FMN1: variants seen among roughly 807,000 people sequenced by gnomAD.
FMN1 encodes formin 1.
In FMN1, 110 loss-of-function variants were observed where a neutral mutation model predicts 132.4. That is an observed-to-expected ratio of 0.83 (90% CI 0.71 to 0.97). FMN1 has a LOEUF of 0.97. Ranked by LOEUF, FMN1 falls within the 50% of genes least tolerant of loss-of-function variation. The pLI, the probability that FMN1 is intolerant of heterozygous loss-of-function variation, is 0.00. For synonymous variants in FMN1, 722 were observed against 651.7 expected (o/e 1.11, Z -1.64); for missense variants, 1,792 against 1,705.3 (o/e 1.05, Z -0.90).
chr15:33,049,420 G>A (rs917803043), intron 6 of FMN1, among the ~76,000 whole-genome samples: 3 of 152,158 alleles, frequency 2.0e-5, no homozygotes, highest in East Asian at 1.9e-4. Context: ...AACATAAGGG[G>A]ATACCCTCTA....
At chr15:32,982,552 T>C (rs917906660) in intron 7 of FMN1, among the ~76,000 whole-genome samples, 9 of 152,200 alleles carry the variant, frequency 5.9e-5, no homozygotes, top group Admixed American at 5.2e-4. Context: ...CCCAGTTATT[T>C]GGCCAAACAT....
At position 33,086,247 on chromosome 15, in the gene FMN1, T is replaced by C. The variant is rs866343710; in HGVS notation, c.2043+2552A>G. 5.0e-5 allele frequency among the ~76,000 whole-genome samples: 7 copies of C among 141,340 alleles called. No homozygotes were observed. In the South Asian group the frequency reaches 1.6e-3, roughly 32 times the overall value. The allele number at this position is 141,340 out of a possible 152,430, so 92.7% of individuals were successfully genotyped here. On this transcript the variant is annotated intron_variant, in intron 5 of 20. Transcript: ENST00000616417. ...GCCTGAGCGACAGAGCAAGACTCCA[T>C]CTCAAATTAAAAAAAAAAAAAAAAA...
At chr15:32,890,560 T>C (rs1319171692) in intron 15 of FMN1, among the ~76,000 whole-genome samples, 1 of 152,262 alleles carries the variant, frequency 6.6e-6, no homozygotes, top group East Asian at 1.9e-4. Flanking sequence ...GCCATTTGTA[T>C]ATCTTCTTTT....
At chr15:33,135,545 G>A (rs940305369) in intron 4 of FMN1, among the ~76,000 whole-genome samples, 3 of 152,190 alleles carry the variant, frequency 2.0e-5, no homozygotes, top group African/African-American at 7.2e-5. Context: ...CTTGACACAA[G>A]TATGCACTGT....
At chr15:32,964,290 A>T in intron 8 of FMN1, 33 bp from the exon 9 acceptor site, 1 of 1,490,232 alleles carries the variant, frequency 6.7e-7, no homozygotes, top group Non-Finnish European at 9.1e-7. Context: ...TAACCATAAG[A>T]ACCAAAACAG....
intron 4 of FMN1, among the ~76,000 whole-genome samples, chr15:33,110,484 T>C (rs962656220): frequency 2.6e-5 from 4 of 152,004 alleles, no homozygotes; most frequent in Non-Finnish European, 4.4e-5. Flanking sequence ...CTTATGAATC[T>C]TCTATATTTT....
At chr15:32,848,561 C>T (rs983893621) in intron 17 of FMN1, among the ~76,000 whole-genome samples, 2 of 152,124 alleles carry the variant, frequency 1.3e-5, no homozygotes, top group Non-Finnish European at 2.9e-5. Flanking sequence ...CAGTTCAGCA[C>T]CCAATGAAAG....
rs554048667 is a variant in FMN1 at position 32,976,220 on chromosome 15, G to A, written c.2224-6743C>T. ...TCCCTAGGCTGGGGAAAGCTAGGCA[G>A]TTCCTGGGGGCTGCATGGAGGCTCA... On this transcript the variant is annotated intron_variant, in intron 7 of 20. Coordinates refer to ENST00000616417, the MANE Select transcript of FMN1 (RefSeq NM_001277313.2). Among the ~76,000 whole-genome samples, 5 of 152,262 alleles carry A rather than the reference G, an allele frequency of 3.3e-5. No homozygotes were observed. In the South Asian group the frequency reaches 1.0e-3, roughly 32 times the overall value.
At chr15:33,099,087 T>C (rs748311477) in intron 4 of FMN1, among the ~76,000 whole-genome samples, 3 of 151,994 alleles carry the variant, frequency 2.0e-5, no homozygotes, top group Non-Finnish European at 2.9e-5. Flanking sequence ...GGCAACATGG[T>C]GAAACCCCAT....
At chr15:32,798,615 T>A (rs1021928299) in intron 19 of FMN1, among the ~76,000 whole-genome samples, 189 bp downstream of exon 19, 2 of 152,132 alleles carry the variant, frequency 1.3e-5, no homozygotes, top group Non-Finnish European at 2.9e-5. Flanking sequence ...TGTGAGCATA[T>A]CTGCCTGTGT....
rs2037801213 is a variant in FMN1, at chr15:33,067,554, C to CT, written c.2044-2481dup. 5 of 1,613,960 alleles carry CT rather than the reference C, an allele frequency of 3.1e-6. No homozygotes were observed. In the East Asian group the frequency reaches 8.9e-5, roughly 29 times the overall value. On this transcript the variant is annotated intron_variant, in intron 5 of 20. Coordinates refer to ENST00000616417, the MANE Select transcript of FMN1 (RefSeq NM_001277313.2). ...TGAGCAAGGAGAGATGTCCCTGCTT[C>CT]TTTTCTCTGACTTCCCTCTGATTCT... is the stretch of plus-strand genomic sequence containing the variant.
At chr15:33,006,394 A>G (rs1252585019) in intron 7 of FMN1, among the ~76,000 whole-genome samples, 1 of 152,232 alleles carries the variant, frequency 6.6e-6, no homozygotes, top group Non-Finnish European at 1.5e-5. Context: ...ACAAAAGATT[A>G]CAAGTATTGG....
chr15:32,858,736 T>C (rs2059193394), intron 16 of FMN1, among the ~76,000 whole-genome samples: 1 of 152,242 alleles, frequency 6.6e-6, no homozygotes, highest in Non-Finnish European at 1.5e-5. Flanking sequence ...ACAAATTCTA[T>C]AAATCCAGTC....
chr15:32,969,842 C>T (rs1048383362), intron 7 of FMN1, among the ~76,000 whole-genome samples: 8 of 152,184 alleles, frequency 5.3e-5, no homozygotes, highest in South Asian at 2.1e-4. Flanking sequence ...TACAACTTTT[C>T]GGGTTGGTTT....
At chr15:33,102,331 G>A (rs995781588) in intron 4 of FMN1, among the ~76,000 whole-genome samples, 2 of 152,232 alleles carry the variant, frequency 1.3e-5, no homozygotes, top group East Asian at 1.9e-4. Flanking sequence ...ATGTGCTAGG[G>A]AGGGATGTAA....
At chr15:32,888,857 G>T (rs1435532778) in intron 15 of FMN1, among the ~76,000 whole-genome samples, 1 of 135,610 alleles carries the variant, frequency 7.4e-6, no homozygotes, top group East Asian at 2.1e-4. Flanking sequence ...ATATACACAG[G>T]TTTTTTTTTT....
rs765041953 is a variant in FMN1, at chr15:33,007,997, G to C, written c.2223+17C>G. On this transcript the variant is annotated intron_variant, in intron 7 of 20. Transcript: ENST00000616417. ...TCAGTTCTATAGAACCCGTTCAGTAGCATCAAAGAGGCATACCTGCAGGTT... is the reference window on the plus strand; with the variant it reads ...TCAGTTCTATAGAACCCGTTCAGTACCATCAAAGAGGCATACCTGCAGGTT... 6.3e-7 allele frequency: 1 copy of C among 1,588,694 alleles called. No homozygotes were observed. The highest frequency in any genetic ancestry group is 1.1e-5 in the South Asian group (1 of 87,214).
intron 18 of FMN1, among the ~76,000 whole-genome samples, chr15:32,804,073 TCA>T (rs1352248021): frequency 2.0e-5 from 3 of 152,070 alleles, no homozygotes; most frequent in Non-Finnish European, 4.4e-5. Flanking sequence ...GTAGTCGAAG[TCA>T]CAGAGACAGA....
intron 4 of FMN1, among the ~76,000 whole-genome samples, chr15:33,126,346 CTG>C (rs1963066802): frequency 6.6e-6 from 1 of 152,188 alleles, no homozygotes; most frequent in African/African-American, 2.4e-5. Context: ...CAGAAGGTCA[CTG>C]TGGGCAGGCA....
Sources: allele counts gnomAD v4.1 joint callset (sites outside exome capture counted in the v4.1 genomes callset), GRCh38; gene constraint gnomAD v4.1.1; transcripts MANE v1.5; gene names NCBI Gene and HGNC (gene_info 2026-07-23, HGNC 2026-07-21).